The following CALN1 variants were observed in gnomAD, a reference collection of about 807,000 sequenced individuals.
CALN1 encodes calneuron 1.
Under a neutral mutation model 30.6 loss-of-function variants are expected in CALN1, and 17 were observed. The ratio of observed to expected loss-of-function variants is 0.56; its 90% confidence interval spans 0.38 to 0.83. CALN1 has a LOEUF of 0.83. Ranked by LOEUF, CALN1 falls within the 40% of genes least tolerant of loss-of-function variation. The pLI, the probability that CALN1 is intolerant of heterozygous loss-of-function variation, is 0.00. For synonymous variants in CALN1, 156 were observed against 131.4 expected, an observed-to-expected ratio of 1.19 and a Z score of -1.28; for missense variants, 291 against 354.9, an observed-to-expected ratio of 0.82 and a Z score of 1.45.
chr7:72,437,578 TTTGC>T (rs1239202463), intron 1 of CALN1, among the ~76,000 whole-genome samples: 2 of 152,080 alleles, frequency 1.3e-5, no homozygotes, highest in Non-Finnish European at 2.9e-5. Flanking sequence ...TTTTTAGGTC[TTTGC>T]TTGCTTTAAC....
At chr7:71,853,484 C>T (rs920262236) in intron 5 of CALN1, among the ~76,000 whole-genome samples, 1 of 151,798 alleles carries the variant, frequency 6.6e-6, no homozygotes, top group African/African-American at 2.4e-5. Context: ...TTAAAGTATA[C>T]AATATATCTT....
At chr7:72,410,116 C>T (rs925265869) in intron 1 of CALN1, among the ~76,000 whole-genome samples, 4 of 152,132 alleles carry the variant, frequency 2.6e-5, no homozygotes, top group African/African-American at 9.7e-5. Context: ...GTACGAGTTG[C>T]TGACAAAAAA....
intron 6 of CALN1, among the ~76,000 whole-genome samples, chr7:71,809,509 T>G (rs1221811372): frequency 6.7e-6 from 1 of 149,426 alleles, no homozygotes; most frequent in Middle Eastern, 3.2e-3. Flanking sequence ...TTGACCTCCT[T>G]AAGAAATGTC....
chr7:72,423,173 C>T (rs1313879685), intron 1 of CALN1, among the ~76,000 whole-genome samples: 1 of 151,262 alleles, frequency 6.6e-6, no homozygotes, highest in African/African-American at 2.4e-5. Flanking sequence ...ATCAATTTCA[C>T]CTAATCTTAA....
rs1456843556 is a variant in CALN1 at position 71,780,781 on chromosome 7, A to G, written c.*6994T>C. On this transcript the variant is annotated 3_prime_UTR_variant, in exon 7 of 7. Transcript: ENST00000395275. ...TCAGTAAGGCTTTCTCAAATGGAGA[A>G]ACAAGCATCTCTTCTTGGAATCTGC... 1 of 151,994 alleles carries G rather than the reference A, an allele frequency of 6.6e-6. No individual in the cohort carries two copies. Among genetic ancestry groups the G allele is most frequent in the Admixed American group, 6.6e-5 (1 of 15,260 alleles). 9.4% of individuals were successfully genotyped at this position (151,994 alleles called of 1,614,324 possible).
At chr7:72,085,817 T>G (rs1202387287) in intron 4 of CALN1, among the ~76,000 whole-genome samples, 1 of 152,132 alleles carries the variant, frequency 6.6e-6, no homozygotes, top group African/African-American at 2.4e-5. Flanking sequence ...CAGGCTGAGA[T>G]GAAAAAGAGG....
At chr7:71,851,450 C>T (rs978863929) in intron 5 of CALN1, among the ~76,000 whole-genome samples, 3 of 151,524 alleles carry the variant, frequency 2.0e-5, no homozygotes, top group South Asian at 2.1e-4. Context: ...ATCTAGGAGG[C>T]GGAGGTTGCA....
At chr7:72,483,395 C>T in the CALN1 span, among the ~76,000 whole-genome samples, 1 of 151,430 alleles carries the variant, frequency 6.6e-6, no homozygotes, top group Admixed American at 6.6e-5. Flanking sequence ...AGTGATTCTC[C>T]TATCTCAGCC....
In CALN1 at chr7:71,851,749, G is replaced by A. The variant is rs1352726215; in HGVS notation, c.502-41257C>T. Among the ~76,000 whole-genome samples the A allele has an allele frequency of 3.9e-5, 6 of 152,098 alleles. No homozygotes were observed. The East Asian group carries it at 1.2e-3, about 29-fold the overall frequency. The stretch of plus-strand genomic sequence containing the variant: ...AGAGGCTTTGCATGGATCTAAGATG[G>A]TGTCCTACCCTAAATGGAGAAATAT... On this transcript the variant is annotated intron_variant, in intron 5 of 6. Transcript: ENST00000395275.
chr7:71,846,398 G>T (rs1790237586), intron 5 of CALN1, among the ~76,000 whole-genome samples: 1 of 152,136 alleles, frequency 6.6e-6, no homozygotes, highest in African/African-American at 2.4e-5. Flanking sequence ...GATTCTTCAG[G>T]AGGAAGAAAG....
intron 5 of CALN1, among the ~76,000 whole-genome samples, chr7:71,969,416 AGAGACT>A (rs1562944381): frequency 6.6e-6 from 1 of 152,176 alleles, no homozygotes; most frequent in Non-Finnish European, 1.5e-5. Context: ...GATACTTGTC[AGAGACT>A]AAGTATTTTT....
intron 5 of CALN1, among the ~76,000 whole-genome samples, chr7:72,018,349 C>T (rs186178256): frequency 8.8e-4 from 134 of 152,194 alleles, no homozygotes; most frequent in Non-Finnish European, 1.3e-3. Context: ...GTCTCAGCCC[C>T]GCTCAGTCCC....
chr7:72,078,030 A>C (rs747622523), intron 4 of CALN1, among the ~76,000 whole-genome samples: 3 of 152,240 alleles, frequency 2.0e-5, no homozygotes, highest in Non-Finnish European at 4.4e-5. Context: ...TGGAAGGTAC[A>C]GTTGCCATAG....
the CALN1 span, among the ~76,000 whole-genome samples, chr7:72,481,444 G>A: frequency 6.6e-6 from 1 of 152,088 alleles, no homozygotes; most frequent in Non-Finnish European, 1.5e-5. Context: ...ATTCTCTGTT[G>A]CTTTTCTGTT....
At chr7:72,075,328 G>A (rs918515908) in intron 4 of CALN1, among the ~76,000 whole-genome samples, 1 of 152,140 alleles carries the variant, frequency 6.6e-6, no homozygotes, top group Non-Finnish European at 1.5e-5. Flanking sequence ...CTGGGAACCC[G>A]GTGGCCCAGT....
At chr7:72,151,996 T>C (rs1285912451) in intron 3 of CALN1, among the ~76,000 whole-genome samples, 1 of 149,802 alleles carries the variant, frequency 6.7e-6, no homozygotes, top group Non-Finnish European at 1.5e-5. Flanking sequence ...GTAACCTCCA[T>C]CTCCTGAGTT....
At chr7:71,802,147 G>C (rs1197777333) in intron 6 of CALN1, among the ~76,000 whole-genome samples, 1 of 152,132 alleles carries the variant, frequency 6.6e-6, no homozygotes, top group African/African-American at 2.4e-5. Flanking sequence ...CTGGAAGCAA[G>C]CACCATCAAC....
chr7:72,048,967 T>G (rs772548813), intron 4 of CALN1, among the ~76,000 whole-genome samples: 2 of 152,104 alleles, frequency 1.3e-5, no homozygotes, highest in Non-Finnish European at 2.9e-5. Context: ...CACACCACCA[T>G]GCCCAGCTAC....
chr7:71,844,963 C>G (rs1021271726), intron 5 of CALN1, among the ~76,000 whole-genome samples: 9 of 152,066 alleles, frequency 5.9e-5, no homozygotes, highest in Non-Finnish European at 1.3e-4. Flanking sequence ...GATCTTGGCT[C>G]ACTGCAACCT....
Sources: gnomAD v4.1 joint callset for allele counts (sites outside exome capture counted in the v4.1 genomes callset) on GRCh38, gnomAD v4.1.1 for gene constraint, MANE v1.5 for transcripts, NCBI Gene and HGNC (gene_info 2026-07-23, HGNC 2026-07-21) for gene names.